The following PFAS variants were observed in gnomAD, a reference collection of about 807,000 sequenced individuals.
PFAS encodes the protein phosphoribosylformylglycinamidine synthase, also known as FGAM synthase.
A neutral mutation model predicts 140.6 loss-of-function variants in PFAS; 97 were observed. The ratio of observed to expected loss-of-function variants is 0.69; its 90% CI spans 0.59 to 0.82. The LOEUF is 0.82. PFAS is among the 40% of genes least tolerant of loss of function. The pLI is 0.00. For synonymous variants in PFAS, 679 were observed against 718.8 expected, an observed-to-expected ratio of 0.94 and a Z score of 0.88; for missense variants, 1,656 against 1,780.2, an observed-to-expected ratio of 0.93 and a Z score of 1.26.
At chr17:8,262,139 G>A (rs1033221699) in intron 11 of PFAS, among the ~76,000 whole-genome samples, 4 of 150,962 alleles carry the variant, frequency 2.6e-5, no homozygotes, top group East Asian at 1.9e-4. Context: ...TTCATTTTTC[G>A]CTTAGCAGTA....
chr17:8,248,021 C>A (rs753797185), upstream of PFAS: 6 of 1,609,084 alleles, frequency 3.7e-6, no homozygotes, highest in Admixed American at 8.4e-5. Flanking sequence ...GGGACCTGGG[C>A]CCGGCCAGCC....
In PFAS at chr17:8,265,066, C is replaced by T. The variant is rs534037413; in HGVS notation, c.2221C>T (p.Arg741Trp). 7.4e-6 allele frequency: 12 copies of T among 1,613,460 alleles called. No individual in the cohort carries two copies. Among genetic ancestry groups the T allele is most frequent in the South Asian group, 3.3e-5 (3 of 91,086 alleles). The change falls in exon 18 of 28, where the codon CGG becomes TGG. Residue 741 changes from arginine to tryptophan, a missense_variant. By Grantham distance (101) the Arg-to-Trp change is moderately radical (BLOSUM62 -3). Coordinates refer to ENST00000314666, the MANE Select transcript of PFAS (RefSeq NM_012393.3). Reference sequence around the variant, plus strand: ...CCTGCTGGACCCAAAAGTCGCCGCCCGGCTGGCCGTGGCCGAAGCCCTCAC... The same window carrying T: ...CCTGCTGGACCCAAAAGTCGCCGCCTGGCTGGCCGTGGCCGAAGCCCTCAC... ...KSLLDPKVAA[R>W]LAVAEALTNL...
intron 11 of PFAS, among the ~76,000 whole-genome samples, chr17:8,258,879 C>T (rs539337686): frequency 2.6e-5 from 4 of 151,300 alleles, no homozygotes; most frequent in South Asian, 2.1e-4. Context: ...CCCAGCTACT[C>T]GGAGGCTGAG....
intron 13 of PFAS, 55 bp from the exon 14 acceptor site, chr17:8,263,520 C>CT: frequency 3.4e-6 from 5 of 1,489,604 alleles, no homozygotes; most frequent in Non-Finnish European, 4.7e-6. Context: ...AGGGACTGCC[C>CT]TTTGTTGCCT....
chr17:8,251,654 C>G (rs1019888676), intron 1 of PFAS, among the ~76,000 whole-genome samples: 5 of 144,006 alleles, frequency 3.5e-5, no homozygotes, highest in Non-Finnish European at 6.0e-5. Context: ...AATTCAGGAT[C>G]TGCTTAAGCA....
At chr17:8,251,540 C>G (rs1434144846) in intron 1 of PFAS, among the ~76,000 whole-genome samples, 1 of 152,072 alleles carries the variant, frequency 6.6e-6, no homozygotes, top group Admixed American at 6.6e-5. Context: ...ACTGCTTTGG[C>G]CTCCCAAAGT....
Position 8,266,052 on chromosome 17 carries a change from G to A in PFAS, c.2701+35G>A, listed in dbSNP as rs376652458. ...GACCCCTGGGGAGATAGCGCACAGG[G>A]TGCCAGGCGTGCAGCAGGCGTTCAC... On this transcript the variant is annotated intron_variant, in intron 21 of 27. Coordinates refer to ENST00000314666, the MANE Select transcript of PFAS (RefSeq NM_012393.3). This position sits in a 1 kb window ranked among gnomAD's most constrained non-coding sequence, Gnocchi z 5.0. 1 of 1,567,634 alleles carries A rather than the reference G, an allele frequency of 6.4e-7. No homozygotes were observed. Among genetic ancestry groups the A allele is most frequent in the Non-Finnish European group, 8.7e-7 (1 of 1,152,666 alleles).
intron 11 of PFAS, among the ~76,000 whole-genome samples, chr17:8,262,055 A>G (rs1010043761): frequency 2.0e-5 from 3 of 151,734 alleles, no homozygotes; most frequent in East Asian, 1.9e-4. Flanking sequence ...CCTTACTTCT[A>G]TTGTTAAATT....
At chr17:8,247,975 G>A (rs1200186500), upstream of PFAS, 1 of 1,604,690 alleles carries the variant, frequency 6.2e-7, no homozygotes. Flanking sequence ...CAAGAAAAAA[G>A]GAACAAGAGA....
intron 20 of PFAS, 79 bp from the exon 21 acceptor site, chr17:8,265,783 G>T: frequency 7.3e-7 from 1 of 1,368,634 alleles, no homozygotes; most frequent in Non-Finnish European, 1.0e-6. Flanking sequence ...CACATGCTGG[G>T]AATAGCAGTG....
chr17:8,255,067 G>A lies in PFAS; in HGVS notation c.319G>A (p.Val107Met). The A allele has an allele frequency of 6.2e-7, 1 of 1,614,050 alleles. No individual in the cohort carries two copies. Among genetic ancestry groups the A allele is most frequent in the Non-Finnish European group, 8.5e-7 (1 of 1,180,008 alleles). ...STPTSTNIVSVCRATGLGPVD... is the reference protein window; with the variant it reads ...STPTSTNIVSMCRATGLGPVD... ...CCCAACATCCACCAACATCGTGTCAGTGTGCCGCGCCACTGGGCTGGGGCC... is the reference window on the plus strand; with the variant it reads ...CCCAACATCCACCAACATCGTGTCAATGTGCCGCGCCACTGGGCTGGGGCC... The change falls in exon 4 of 28, where the codon GTG becomes ATG. Residue 107 changes from valine (V) to methionine (M), a missense_variant. Around this residue, in one of 2 missense-constraint regions of PFAS, gnomAD observed 773 missense variants for 757.3 expected, o/e 1.02. Coordinates refer to ENST00000314666, the MANE Select transcript of PFAS (RefSeq NM_012393.3).
Position 8,263,114 on chromosome 17 carries a change from G to T in PFAS, c.1416G>T (p.Gln472His). The change falls in exon 13 of 28, where the codon CAG (glutamine) becomes CAT (histidine). Residue 472 changes from glutamine to histidine, a missense_variant. By Grantham distance (24) the Gln-to-His change is conservative. Coordinates refer to ENST00000314666, the MANE Select transcript of PFAS (RefSeq NM_012393.3). Reference sequence around the variant, plus strand: ...TATGCCATATATGCCCCCAGGTGCAGGGAGATAACACCAGTGACCTGGACT... The same window carrying T: ...TATGCCATATATGCCCCCAGGTGCATGGAGATAACACCAGTGACCTGGACT... ...GGGAASSVQV[Q>H]GDNTSDLDFG... The T allele has an allele frequency of 2.5e-6, 4 of 1,614,030 alleles. No individual in the cohort carries two copies. The highest frequency in any genetic ancestry group is 3.4e-6 in the Non-Finnish European group (4 of 1,179,892).
At chr17:8,260,908 G>A (rs1346447670) in intron 11 of PFAS, among the ~76,000 whole-genome samples, 2 of 152,172 alleles carry the variant, frequency 1.3e-5, no homozygotes, top group Non-Finnish European at 2.9e-5. Flanking sequence ...ACAGGCGTGA[G>A]CCACCGCGCC....
rs1989254738 is a variant in PFAS, at chr17:8,253,916, C to G, written c.-22C>G. Reference sequence around the variant, plus strand: ...TCTCTCCAGCAAAGGACACCTCTCTCCAGCAAAGGACACCTGCAGAGATGT... The same window carrying G: ...TCTCTCCAGCAAAGGACACCTCTCTGCAGCAAAGGACACCTGCAGAGATGT... On this transcript the variant is annotated 5_prime_UTR_variant, in exon 2 of 28. Transcript: ENST00000314666. The G allele has an allele frequency of 6.2e-7, 1 of 1,601,240 alleles. No homozygotes were observed. The highest frequency in any genetic ancestry group is 8.5e-7 in the Non-Finnish European group (1 of 1,171,818).
At chr17:8,253,786 G>T in intron 1 of PFAS, 73 bp from the exon 2 acceptor site, 1 of 1,116,254 alleles carries the variant, frequency 9.0e-7, no homozygotes, top group Non-Finnish European at 1.2e-6. Context: ...CAATCCACCT[G>T]CCTCAGTCTC....
In PFAS at chr17:8,269,207, C is replaced by T. The variant is rs1054463195; in HGVS notation, c.3960C>T (p.Ser1320=). 6.2e-7 allele frequency: 1 copy of T among 1,613,478 alleles called. No homozygotes were observed. ...CTCCATTTGATACTCTGACCACCTC[C>T]CCCTGGCTCCAGCTCTTTATCAATG... ...RPPPFDTLTT[S]PWLQLFINAR... The change falls in exon 28 of 28, where the codon TCC becomes TCT. Residue 1320 remains serine (S), a synonymous_variant. Coordinates refer to ENST00000314666, the MANE Select transcript of PFAS (RefSeq NM_012393.3).
chr17:8,257,647 G>A (rs2151581914), intron 9 of PFAS, among the ~76,000 whole-genome samples, 160 bp from the exon 10 acceptor site: 1 of 152,286 alleles, frequency 6.6e-6, no homozygotes, highest in Middle Eastern at 3.4e-3. Context: ...GTGCCTCACT[G>A]CAGGCTCTAG....
intron 8 of PFAS, 31 bp downstream of exon 8, chr17:8,256,679 G>A: frequency 1.2e-6 from 2 of 1,613,010 alleles, no homozygotes; most frequent in Non-Finnish European, 1.7e-6. Flanking sequence ...AAATAGGTGA[G>A]ATCACAGAAT....
chr17:8,251,529 C>T (rs1328700379), intron 1 of PFAS, among the ~76,000 whole-genome samples: 1 of 152,014 alleles, frequency 6.6e-6, no homozygotes, highest in South Asian at 2.1e-4. Context: ...TCAAGCAGTC[C>T]ACTGCTTTGG....
Sources: gnomAD v4.1 joint callset for allele counts (sites outside exome capture counted in the v4.1 genomes callset) on GRCh38, gnomAD v4.1.1 for gene constraint, gnomAD v4.1.1 regional missense constraint, Gnocchi (gnomAD v3.1) non-coding constraint, MANE v1.5 for transcripts, NCBI Gene and HGNC (gene_info 2026-07-23, HGNC 2026-07-21) for gene names.